The following CLMP variants were observed in gnomAD, a reference collection of about 807,000 sequenced individuals.
CLMP encodes CXADR like cell adhesion molecule, also known as CXADR-like membrane protein.
In CLMP, 27 loss-of-function variants were observed where a neutral mutation model predicts 45.2. The ratio of observed to expected loss-of-function variants is 0.60; its 90% CI spans 0.44 to 0.82. The LOEUF is 0.82. Among genes scored for constraint, CLMP ranks in the 40% least tolerant of loss-of-function variants. The probability of loss-of-function intolerance (pLI) is 0.00; values close to 1 mark genes in which losing one functional copy is unlikely to be tolerated. For missense variants in CLMP, 403 were observed against 448.4 expected (o/e 0.90, Z 0.91); for synonymous variants, 167 against 171.4 (o/e 0.97, Z 0.20).
At chr11:123,169,497 T>G (rs1280215336) in intron 1 of CLMP, among the ~76,000 whole-genome samples, 5 of 152,220 alleles carry the variant, frequency 3.3e-5, no homozygotes, top group African/African-American at 1.2e-4. Context: ...GAGGTCATCT[T>G]GTCCATCTTC....
chr11:123,073,813 C>CTGTGATTGCTTCCAG (rs1865703569), intron 6 of CLMP, 39 bp from the exon 7 acceptor site: 2 of 1,527,132 alleles, frequency 1.3e-6, no homozygotes, highest in Non-Finnish European at 1.8e-6. Context: ...ACTGGCAGAT[C>CTGTGATTGCTTCCAG]TGTGATTGCT....
intron 1 of CLMP, among the ~76,000 whole-genome samples, chr11:123,157,834 T>A (rs1861435812): frequency 6.6e-6 from 1 of 151,662 alleles, no homozygotes. Flanking sequence ...GGTCTTTGGA[T>A]GTTAAGTGCA....
chr11:123,184,958 A>T (rs1378056957), intron 1 of CLMP, among the ~76,000 whole-genome samples: 1 of 152,122 alleles, frequency 6.6e-6, no homozygotes, highest in Non-Finnish European at 1.5e-5. Context: ...CATGCCACAA[A>T]CTATTCTAAA....
intron 1 of CLMP, among the ~76,000 whole-genome samples, chr11:123,157,626 G>A (rs1056994066): frequency 1.3e-5 from 2 of 151,568 alleles, no homozygotes; most frequent in African/African-American, 2.4e-5. Context: ...GGCTGAGGCA[G>A]GAGAATCACT....
Position 123,073,720 on chromosome 11 carries a change from T to C in CLMP, c.876A>G (p.Ser292=). The change falls in exon 7 of 7, where the codon TCA becomes TCG. Residue 292 remains serine, a synonymous_variant. Transcript: ENST00000448775. ...AACCAGAGCGTGAGCTCCGAGAGCC[T>C]GAGGAAGAGGAGCTGGGTTTCACAA... ...ARLVKPSSSS[S]GSRSSRSGSS... is the part of the protein sequence containing the mutation. The C allele has an allele frequency of 6.2e-7, 1 of 1,613,338 alleles. No individual in the cohort carries two copies. The highest frequency in any genetic ancestry group is 8.5e-7 in the Non-Finnish European group (1 of 1,179,616).
At chr11:123,110,126 T>C (rs146344600) in intron 1 of CLMP, among the ~76,000 whole-genome samples, 3 of 152,216 alleles carry the variant, frequency 2.0e-5, no homozygotes, top group African/African-American at 7.2e-5. Context: ...TTTCCTTCCA[T>C]CCCTCCAAAG....
At chr11:123,105,413 CTCTT>C (rs1860529759) in intron 1 of CLMP, among the ~76,000 whole-genome samples, 1 of 122,800 alleles carries the variant, frequency 8.1e-6, no homozygotes, top group Non-Finnish European at 1.6e-5. Flanking sequence ...TCCTCTCTCT[CTCTT>C]TCTTTCTTCT....
intron 1 of CLMP, among the ~76,000 whole-genome samples, chr11:123,156,997 T>C (rs1431825434): frequency 2.0e-5 from 3 of 152,186 alleles, no homozygotes; most frequent in Non-Finnish European, 4.4e-5. Flanking sequence ...CACTGAGGGA[T>C]ACATTTACTC....
At chr11:123,148,956 ATATCCT>A (rs774419811) in intron 1 of CLMP, among the ~76,000 whole-genome samples, 1 of 152,192 alleles carries the variant, frequency 6.6e-6, no homozygotes, top group Non-Finnish European at 1.5e-5. Context: ...TGTCATGGGT[ATATCCT>A]TACGGAGCAT....
At chr11:123,139,548 C>T (rs1024138961) in intron 1 of CLMP, among the ~76,000 whole-genome samples, 3 of 152,072 alleles carry the variant, frequency 2.0e-5, no homozygotes, top group Non-Finnish European at 2.9e-5. Context: ...GTAGAAGGGT[C>T]GGGCGCTGTG....
At chr11:123,095,424 AGGCTT>A (rs1157028114) in intron 2 of CLMP, among the ~76,000 whole-genome samples, 10 of 151,978 alleles carry the variant, frequency 6.6e-5, no homozygotes, top group Admixed American at 6.6e-4. Flanking sequence ...AGATGCCACC[AGGCTT>A]GGCTTATTTT....
intron 1 of CLMP, among the ~76,000 whole-genome samples, chr11:123,153,195 C>T (rs1370866738): frequency 6.6e-6 from 1 of 152,188 alleles, no homozygotes. Flanking sequence ...GACATTCAAG[C>T]TTGCCAGTCA....
intron 3 of CLMP, 107 bp from the exon 4 acceptor site, chr11:123,083,954 T>G: frequency 7.5e-7 from 1 of 1,335,068 alleles, no homozygotes; most frequent in Non-Finnish European, 1.0e-6. Flanking sequence ...GCCATCTGTT[T>G]TGGTCAACTT....
chr11:123,083,290 G>T, intron 4 of CLMP, 83 bp from the exon 5 acceptor site: 1 of 1,284,118 alleles, frequency 7.8e-7, no homozygotes, highest in South Asian at 1.3e-5. Flanking sequence ...TCACTGAGCT[G>T]AGATTCCGTA....
intron 5 of CLMP, among the ~76,000 whole-genome samples, chr11:123,077,542 C>T (rs1475514328): frequency 6.6e-6 from 1 of 152,158 alleles, no homozygotes; most frequent in African/African-American, 2.4e-5. Context: ...GTTGGTCAGG[C>T]TGGTCTCAAA....
intron 2 of CLMP, among the ~76,000 whole-genome samples, chr11:123,095,560 G>A (rs574215929): frequency 4.7e-4 from 72 of 152,130 alleles, no homozygotes; most frequent in Non-Finnish European, 8.7e-4. Context: ...GTGAGCCACC[G>A]CACCTGGCCA....
At position 123,184,490 on chromosome 11, in the gene CLMP, G is replaced by A. The variant is rs11219055; in HGVS notation, c.28+10423C>T. ...GCTGCCTCAGTGATACCCAGGCAAG[G>A]TTAGTGATGAACAGGGTGAACCTGG... is the stretch of plus-strand genomic sequence containing the variant. On this transcript the variant is annotated intron_variant, in intron 1 of 6. Coordinates refer to ENST00000448775, the MANE Select transcript of CLMP (RefSeq NM_024769.5). Among the ~76,000 whole-genome samples the A allele has an allele frequency of 5.6e-3, 849 of 152,296 alleles. 1 individual carries two copies. The highest frequency in any genetic ancestry group is 9.3e-3 in the Non-Finnish European group (630 of 68,028).
rs920354652 is a variant in CLMP at position 123,133,829 on chromosome 11, G to A, written c.29-35877C>T. ...CGAATCTGAGCGGGGAGGCCTTGCT[G>A]TCTCCCCCAGCTTATTACCCTTAGA... On this transcript the variant is annotated intron_variant, in intron 1 of 6. Coordinates refer to ENST00000448775, the MANE Select transcript of CLMP (RefSeq NM_024769.5). Among the ~76,000 whole-genome samples the A allele has an allele frequency of 3.3e-5, 5 of 152,220 alleles. No individual in the cohort carries two copies. The East Asian group carries it at 9.7e-4, about 29-fold the overall frequency.
chr11:123,097,137 T>A (rs1866000203), intron 2 of CLMP, among the ~76,000 whole-genome samples: 1 of 150,956 alleles, frequency 6.6e-6, no homozygotes. Context: ...CAGGTGTGAG[T>A]CACTGCACCC....
Sources: gnomAD v4.1 joint callset for allele counts (sites outside exome capture counted in the v4.1 genomes callset) on GRCh38, gnomAD v4.1.1 for gene constraint, MANE v1.5 for transcripts, NCBI Gene and HGNC (gene_info 2026-07-23, HGNC 2026-07-21) for gene names.